The following EIF4G2 variants were observed in gnomAD, a reference collection of about 807,000 sequenced individuals.
EIF4G2 encodes the protein DAP-5.
Under a neutral mutation model 117.7 loss-of-function variants are expected in EIF4G2, and 8 were observed. The ratio of observed to expected loss-of-function variants is 0.07; its 90% CI spans 0.04 to 0.12. EIF4G2 has a LOEUF of 0.12. Ranked by LOEUF, EIF4G2 falls within the 10% of genes least tolerant of loss-of-function variation. The pLI, the probability that EIF4G2 is intolerant of heterozygous loss-of-function variation, is 1.00. For missense variants in EIF4G2, 812 were observed against 1,086.2 expected, an observed-to-expected ratio of 0.75 and a Z score of 3.55; for synonymous variants, 413 against 367.8, an observed-to-expected ratio of 1.12 and a Z score of -1.41.
At position 10,805,958 on chromosome 11, in the gene EIF4G2, T is replaced by C. The variant is rs774040192; in HGVS notation, c.197A>G (p.Asn66Ser). 12 of 1,614,074 alleles carry C rather than the reference T, an allele frequency of 7.4e-6. No individual in the cohort carries two copies. Among genetic ancestry groups the C allele is most frequent in the South Asian group, 1.1e-5 (1 of 91,072 alleles). Reference sequence around the variant, plus strand: ...ATGTCGTTCTTTTTCGTTTGCGGAGTTGTTTGCTGCGGAGTTGTCATCTCG... The same window carrying C: ...ATGTCGTTCTTTTTCGTTTGCGGAGCTGTTTGCTGCGGAGTTGTCATCTCG... The change falls in exon 4 of 22, where the codon AAC becomes AGC. Residue 66 changes from asparagine (N) to serine (S), a missense_variant. By Grantham distance (46) the Asn-to-Ser change is conservative. Coordinates refer to ENST00000339995, the MANE Select transcript of EIF4G2 (RefSeq NM_001418.4).
Position 10,807,113 on chromosome 11 carries a change from A to C in EIF4G2, c.41+142T>G, listed in dbSNP as rs1847599228. The C allele has an allele frequency of 8.6e-6, 11 of 1,279,106 alleles. No individual in the cohort carries two copies. The South Asian group carries it at 1.6e-4, about 19-fold the overall frequency. 79.2% of individuals were successfully genotyped at this position (1,279,106 alleles called of 1,614,324 possible). On this transcript the variant is annotated intron_variant, in intron 2 of 21. Transcript: ENST00000339995. ...TGATTTTATTTATTCTTCAGATGGCAGTTCTTAGAAGGCTGTCAATGAAAA... is the reference window on the plus strand; with the variant it reads ...TGATTTTATTTATTCTTCAGATGGCCGTTCTTAGAAGGCTGTCAATGAAAA...
At chr11:10,801,406 A>G (rs538507827) in intron 14 of EIF4G2, 2 of 649,286 alleles carry the variant, frequency 3.1e-6, no homozygotes, top group Admixed American at 2.4e-5. Flanking sequence ...TCACCCTTAC[A>G]AAGAAAGAAA....
In EIF4G2 at chr11:10,806,056, TAAAAATCAGCAAA is replaced by T. The variant is rs760610322; in HGVS notation, c.108-22_108-10del. 8.7e-6 allele frequency: 14 copies of T among 1,614,014 alleles called. No homozygotes were observed. The highest frequency in any genetic ancestry group is 1.0e-5 in the Non-Finnish European group (12 of 1,179,994). ...TTTTCCCCAGGAACTCGCTGATTAA[TAAAAATCAGCAAA>T]AACACTTATTGTCACACACCAAATG... On this transcript the variant is annotated splice_polypyrimidine_tract_variant and intron_variant, in intron 3 of 21. Transcript: ENST00000339995.
intron 17 of EIF4G2, 41 bp from the exon 18 acceptor site, chr11:10,800,389 G>A (rs750708638): frequency 6.2e-7 from 1 of 1,612,382 alleles, no homozygotes; most frequent in East Asian, 2.2e-5. Context: ...TTTCGAATTT[G>A]AGTGGTAAGA....
chr11:10,802,946 G>A (rs1188799941), intron 11 of EIF4G2, 84 bp downstream of exon 11: 9 of 1,174,720 alleles, frequency 7.7e-6, no homozygotes, highest in Non-Finnish European at 1.1e-5. Context: ...GACCCCTCAA[G>A]CGTTTGGGGT....
chr11:10,805,548 A>AT (rs1271654039), intron 4 of EIF4G2, among the ~76,000 whole-genome samples: 1 of 151,758 alleles, frequency 6.6e-6, no homozygotes, highest in East Asian at 1.9e-4. Flanking sequence ...CCTGTGGGGT[A>AT]TTCAAGTGAT....
At chr11:10,801,500 A>T in intron 14 of EIF4G2, 161 bp downstream of exon 14, 2 of 802,498 alleles carry the variant, frequency 2.5e-6, no homozygotes, top group Non-Finnish European at 4.4e-6. Context: ...CGCTCACAGG[A>T]CGCTGGACAT....
chr11:10,803,155 A>C lies in EIF4G2; in HGVS notation c.898-27T>G. 1 of 1,602,968 alleles carries C rather than the reference A, an allele frequency of 6.2e-7. No individual in the cohort carries two copies. Among genetic ancestry groups the C allele is most frequent in the South Asian group, 1.1e-5 (1 of 88,580 alleles). ...TTTAATTGAAAAATAATTTTATTTT[A>C]ATATTCCTAAACCAAAAACTCAGCT... is the stretch of plus-strand genomic sequence containing the variant. On this transcript the variant is annotated intron_variant, in intron 10 of 21. Transcript: ENST00000339995. The surrounding 1 kb of genome is among the most constrained non-coding windows in gnomAD (Gnocchi z 4.0).
At position 10,797,621 on chromosome 11, in the gene EIF4G2, T is replaced by C. The variant is rs1404626143; in HGVS notation, c.*195A>G. On this transcript the variant is annotated 3_prime_UTR_variant, in exon 22 of 22. Coordinates refer to ENST00000339995, the MANE Select transcript of EIF4G2 (RefSeq NM_001418.4). The surrounding 1 kb of genome is among the most constrained non-coding windows in gnomAD (Gnocchi z 4.5). ...CTAAACATTAAAGATACTCCTAAAATATTTGATGGTAGACTATGATTAAGA... is the reference window on the plus strand; with the variant it reads ...CTAAACATTAAAGATACTCCTAAAACATTTGATGGTAGACTATGATTAAGA... 1.7e-6 allele frequency: 1 copy of C among 596,318 alleles called. No homozygotes were observed. Among genetic ancestry groups the C allele is most frequent in the African/African-American group, 1.9e-5 (1 of 53,830 alleles). 36.9% of individuals were successfully genotyped at this position (596,318 alleles called of 1,614,324 possible).
Position 10,797,947 on chromosome 11 carries a change from T to G in EIF4G2, c.2659-66A>C. 1 of 1,420,778 alleles carries G rather than the reference T, an allele frequency of 7.0e-7. No homozygotes were observed. The highest frequency in any genetic ancestry group is 9.9e-7 in the Non-Finnish European group (1 of 1,011,894). The allele number at this position is 1,420,778 out of a possible 1,614,324, so 88.0% of individuals were successfully genotyped here. On this transcript the variant is annotated intron_variant, in intron 21 of 21. Coordinates refer to ENST00000339995, the MANE Select transcript of EIF4G2 (RefSeq NM_001418.4). This position sits in a 1 kb window ranked among gnomAD's most constrained non-coding sequence, Gnocchi z 4.5. ...AAACAGAAATCCATCCAAAAAGTTT[T>G]AGGTGGTACTACACAGTTTTAGAAT...
rs200814857 is a variant in EIF4G2, at chr11:10,805,953, C to T, written c.202G>A (p.Ala68Thr). ...GCATCATGTCGTTCTTTTTCGTTTG[C>T]GGAGTTGTTTGCTGCGGAGTTGTCA... Residue 68 changes from alanine to threonine, a missense_variant, in exon 4 of 22, where the codon GCA (alanine) becomes ACA (threonine). Coordinates refer to ENST00000339995, the MANE Select transcript of EIF4G2 (RefSeq NM_001418.4). The T allele has an allele frequency of 4.5e-5, 72 of 1,613,952 alleles. No homozygotes were observed. The highest frequency in any genetic ancestry group is 4.1e-4 in the African/African-American group (31 of 75,014).
At position 10,797,963 on chromosome 11, in the gene EIF4G2, GT is replaced by G; in HGVS notation, c.2659-83del. 1.6e-6 allele frequency: 2 copies of G among 1,250,640 alleles called. No homozygotes were observed. Among genetic ancestry groups the G allele is most frequent in the Non-Finnish European group, 2.3e-6 (2 of 866,076 alleles). The allele number at this position is 1,250,640 out of a possible 1,614,324, so 77.5% of individuals were successfully genotyped here. On this transcript the variant is annotated intron_variant, in intron 21 of 21. Transcript: ENST00000339995. This position sits in a 1 kb window ranked among gnomAD's most constrained non-coding sequence, Gnocchi z 4.5. ...AAAAAGTTTTAGGTGGTACTACACAGTTTTAGAATATGAAACAAGGATATCC... is the reference window on the plus strand; with the variant it reads ...AAAAAGTTTTAGGTGGTACTACACAGTTTAGAATATGAAACAAGGATATCC...
In EIF4G2 at chr11:10,805,024, A is replaced by C; in HGVS notation, c.249-9T>G. ...TAAGCTTATTTAGTATGCTGGAGAA[A>C]AAGGAATTACATTTTAAGTGTTAGC... On this transcript the variant is annotated splice_polypyrimidine_tract_variant and intron_variant, in intron 4 of 21. Transcript: ENST00000339995. The C allele has an allele frequency of 6.2e-7, 1 of 1,601,410 alleles. No homozygotes were observed. The highest frequency in any genetic ancestry group is 8.6e-7 in the Non-Finnish European group (1 of 1,168,480).
At chr11:10,801,349 A>G in intron 14 of EIF4G2, 1 of 621,728 alleles carries the variant, frequency 1.6e-6, no homozygotes, top group South Asian at 1.9e-5. Flanking sequence ...AAAAAACTGC[A>G]AATTTAACTA....
At chr11:10,807,947 G>C in intron 1 of EIF4G2, 1 of 1,013,936 alleles carries the variant, frequency 9.9e-7, no homozygotes, top group Non-Finnish European at 1.2e-6. Flanking sequence ...TCCCTTCCTG[G>C]GAACAAAAGA....
intron 1 of EIF4G2, chr11:10,808,069 C>A (rs912829699): frequency 9.6e-7 from 1 of 1,045,864 alleles, no homozygotes; most frequent in Non-Finnish European, 1.2e-6. Flanking sequence ...CCCGCCAGCC[C>A]GGCGCCCAGC....
chr11:10,802,967 G>A (rs554740259), intron 11 of EIF4G2, 63 bp downstream of exon 11: 34 of 1,478,276 alleles, frequency 2.3e-5, no homozygotes, highest in African/African-American at 2.8e-5. Context: ...GGGTGAGGAG[G>A]AAACCCATTC....
At chr11:10,802,914 G>T in intron 11 of EIF4G2, 116 bp downstream of exon 11, 1 of 832,212 alleles carries the variant, frequency 1.2e-6, no homozygotes. Flanking sequence ...AAAACATTAA[G>T]CTCCACCACT....
chr11:10,799,812 G>A, intron 18 of EIF4G2, 56 bp from the exon 19 acceptor site: 2 of 1,563,926 alleles, frequency 1.3e-6, no homozygotes, highest in South Asian at 1.2e-5. Flanking sequence ...AAGTTGTCCT[G>A]TCCAGAGAGC....
Sources: gnomAD v4.1 joint callset for allele counts (sites outside exome capture counted in the v4.1 genomes callset) on GRCh38, gnomAD v4.1.1 for gene constraint, Gnocchi (gnomAD v3.1) non-coding constraint, MANE v1.5 for transcripts, NCBI Gene and HGNC (gene_info 2026-07-23, HGNC 2026-07-21) for gene names.